C9orf72: variants seen among roughly 807,000 people sequenced by gnomAD.
C9orf72 encodes the protein guanine nucleotide exchange factor C9orf72.
C9orf72 carries 44 observed loss-of-function variants against 51.6 expected under a neutral mutation model. That is an observed-to-expected ratio of 0.85 (90% CI 0.67 to 1.10). The LOEUF (loss-of-function observed/expected upper bound fraction) is 1.10. C9orf72 is among the 50% of genes least tolerant of loss of function. The pLI, the probability that C9orf72 is intolerant of heterozygous loss-of-function variation, is 0.00. For missense variants in C9orf72, 607 were observed against 570.6 expected (o/e 1.06, Z -0.65); for synonymous variants, 213 against 194.2 (o/e 1.10, Z -0.81).
chr9:27,551,096 A>C (rs964798295), intron 8 of C9orf72, among the ~76,000 whole-genome samples: 1 of 152,204 alleles, frequency 6.6e-6, no homozygotes, highest in African/African-American at 2.4e-5. Context: ...AAAAAAACAA[A>C]AAACAAACCA....
Position 27,560,271 on chromosome 9 carries a change from C to A in C9orf72, c.694G>T (p.Gly232Cys). ...NAISSHLQTCGCSVVVGSSAE... is the reference protein window; with the variant it reads ...NAISSHLQTCCCSVVVGSSAE... ...CTGCTACCTACTACAACGGAACAGC[C>A]ACAGGTTTGCAAGTGTGAGCTGATG... Residue 232 changes from glycine (G) to cysteine (C), a missense_variant, in exon 6 of 11, where the codon GGC becomes TGC. Transcript: ENST00000380003. The A allele has an allele frequency of 6.2e-7, 1 of 1,610,268 alleles. No homozygotes were observed.
intron 9 of C9orf72, 87 bp downstream of exon 9, chr9:27,550,562 TA>T: frequency 1.3e-6 from 1 of 790,614 alleles, no homozygotes; most frequent in Admixed American, 2.5e-5. Context: ...CAGGGGAATA[TA>T]AATATATAGA....
intron 5 of C9orf72, 39 bp from the exon 6 acceptor site, chr9:27,560,338 A>G (rs747828926): frequency 2.7e-6 from 4 of 1,503,450 alleles, no homozygotes; most frequent in Non-Finnish European, 3.6e-6. Flanking sequence ...CATTGCCTAT[A>G]AAACAATTTA....
intron 3 of C9orf72, among the ~76,000 whole-genome samples, chr9:27,564,679 GT>G (rs917278715): frequency 6.2e-4 from 91 of 147,684 alleles, no homozygotes; most frequent in African/African-American, 1.8e-3. Flanking sequence ...ATTTTCACAA[GT>G]TTTTTTTTTT....
chr9:27,571,832 C>T (rs1338537715), intron 1 of C9orf72, among the ~76,000 whole-genome samples: 5 of 152,230 alleles, frequency 3.3e-5, no homozygotes, highest in African/African-American at 7.2e-5. Context: ...CCACTTTCCA[C>T]AACAGGAGCT....
Position 27,565,530 on chromosome 9 carries a change from C to A in C9orf72, c.504+1G>T. Reference sequence around the variant, plus strand: ...TTTGACAGTATGCAATTTGCATATACCTGATCTTCCATTCTCTCTGTGCCT... The same window carrying A: ...TTTGACAGTATGCAATTTGCATATAACTGATCTTCCATTCTCTCTGTGCCT... On this transcript the variant is annotated splice_donor_variant, in intron 3 of 10. Coordinates refer to ENST00000380003, the MANE Select transcript of C9orf72 (RefSeq NM_018325.5). LOFTEE classifies it high-confidence loss of function. The A allele has an allele frequency of 1.3e-6, 2 of 1,591,162 alleles. No individual in the cohort carries two copies. Among genetic ancestry groups the A allele is most frequent in the Non-Finnish European group, 1.7e-6 (2 of 1,160,988 alleles).
Position 27,560,207 on chromosome 9 carries a change from T to C in C9orf72, c.738+20A>G, listed in dbSNP as rs768791752. ...AGTCTTAAAGAGTCAAATCATTTGC[T>C]AGATTATAAAATAAACTACCTTATT... On this transcript the variant is annotated intron_variant, in intron 6 of 10. Transcript: ENST00000380003. 2.6e-6 allele frequency: 4 copies of C among 1,514,128 alleles called. No individual in the cohort carries two copies. In the East Asian group the frequency reaches 6.8e-5, roughly 26 times the overall value. 93.8% of individuals were successfully genotyped at this position (1,514,128 alleles called of 1,614,324 possible). A position where few individuals can be genotyped will look rare whatever the true frequency, so the allele number is the denominator to read the frequency against.
At chr9:27,559,681 A>G (rs573243761) in intron 6 of C9orf72, 11 of 152,144 alleles carry the variant, frequency 7.2e-5, no homozygotes, top group Non-Finnish European at 1.5e-4. Flanking sequence ...CCTTTAGTTT[A>G]TTAGCTAATG....
At chr9:27,554,943 C>T (rs780378173) in intron 8 of C9orf72, among the ~76,000 whole-genome samples, 1 of 152,064 alleles carries the variant, frequency 6.6e-6, no homozygotes, top group African/African-American at 2.4e-5. Context: ...GCAAAACAAA[C>T]ATAGCTGGCT....
intron 8 of C9orf72, among the ~76,000 whole-genome samples, chr9:27,556,055 T>TAAA (rs200609924): frequency 6.6e-6 from 1 of 150,636 alleles, no homozygotes; most frequent in Non-Finnish European, 1.5e-5. Context: ...CTTTTTTTTT[T>TAAA]AAAAAAAAAT....
chr9:27,549,560 A>G (rs1184101823), intron 9 of C9orf72, among the ~76,000 whole-genome samples: 1 of 152,172 alleles, frequency 6.6e-6, no homozygotes, highest in East Asian at 1.9e-4. Flanking sequence ...AGCTTTATCT[A>G]TGACACAGTT....
Position 27,556,749 on chromosome 9 carries a change from A to C in C9orf72, c.903T>G (p.Ala301=). 1.2e-6 allele frequency: 2 copies of C among 1,614,020 alleles called. No homozygotes were observed. The highest frequency in any genetic ancestry group is 1.3e-5 in the African/African-American group (1 of 75,040). The change falls in exon 8 of 11, where the codon GCT becomes GCG. Residue 301 remains alanine (A), a synonymous_variant. Transcript: ENST00000380003. ...FVLPFRQVMY[A]PYPTTHIDVD... ...CATCTATGTGTGTGGTGGGATATGG[A>C]GCATACATGACTTGCCGGAAAGGCA...
At chr9:27,567,234 A>C (rs968188957) in intron 1 of C9orf72, 70 bp from the exon 2 acceptor site, 6 of 871,898 alleles carry the variant, frequency 6.9e-6, no homozygotes, top group Non-Finnish European at 1.0e-5. Context: ...ACCCCAAATG[A>C]TTTAGACATA....
At chr9:27,550,290 T>C (rs1183201038) in intron 9 of C9orf72, among the ~76,000 whole-genome samples, 1 of 151,688 alleles carries the variant, frequency 6.6e-6, no homozygotes, top group Non-Finnish European at 1.5e-5. Flanking sequence ...AAGTCAGATT[T>C]CACTTTGATA....
At position 27,560,113 on chromosome 9, in the gene C9orf72, G is replaced by T. The variant is rs192772526; in HGVS notation, c.738+114C>A. The T allele has an allele frequency of 6.3e-5, 36 of 568,124 alleles. 1 individual carries two copies. The Admixed American group carries it at 1.1e-3, about 17-fold the overall frequency. 35.2% of individuals were successfully genotyped at this position (568,124 alleles called of 1,614,324 possible). ...CTTAGCAATTTGATGAGATTACATT[G>T]CCTCCTTATACTACTAGATCATTTT... On this transcript the variant is annotated intron_variant, in intron 6 of 10. Coordinates refer to ENST00000380003, the MANE Select transcript of C9orf72 (RefSeq NM_018325.5).
In C9orf72 at chr9:27,546,863, T is replaced by C. The variant is rs780309291; in HGVS notation, c.*1373A>G. 8 of 152,338 alleles carry C rather than the reference T, an allele frequency of 5.3e-5. No homozygotes were observed. Among genetic ancestry groups the C allele is most frequent in the Non-Finnish European group, 8.8e-5 (6 of 68,010 alleles). 9.4% of individuals were successfully genotyped at this position (152,338 alleles called of 1,614,324 possible). On this transcript the variant is annotated 3_prime_UTR_variant, in exon 11 of 11. Coordinates refer to ENST00000380003, the MANE Select transcript of C9orf72 (RefSeq NM_018325.5). Reference sequence around the variant, plus strand: ...CTGATTCATGATGGGAAAGCTATTATGACCTTTCACATTCGAACATGTCAT... The same window carrying C: ...CTGATTCATGATGGGAAAGCTATTACGACCTTTCACATTCGAACATGTCAT...
rs1820794073 is a variant in C9orf72, at chr9:27,547,593, C to T, written c.*643G>A. ...AAGAACAATAAAATAAACAAAACAC[C>T]CTAACTGTGGTTCACCAGGAACAAG... is the stretch of plus-strand genomic sequence containing the variant. On this transcript the variant is annotated 3_prime_UTR_variant, in exon 11 of 11. Coordinates refer to ENST00000380003, the MANE Select transcript of C9orf72 (RefSeq NM_018325.5). 1 of 152,454 alleles carries T rather than the reference C, an allele frequency of 6.6e-6. No homozygotes were observed. Among genetic ancestry groups the T allele is most frequent in the Admixed American group, 6.6e-5 (1 of 15,266 alleles). The allele number at this position is 152,454 out of a possible 1,614,324, so 9.4% of individuals were successfully genotyped here. A position where few individuals can be genotyped will look rare whatever the true frequency, so the allele number is the denominator to read the frequency against.
At chr9:27,564,966 G>A (rs1214335306) in intron 3 of C9orf72, among the ~76,000 whole-genome samples, 2 of 152,094 alleles carry the variant, frequency 1.3e-5, no homozygotes, top group African/African-American at 4.8e-5. Context: ...TGTTCCTGAG[G>A]GGCATTCAAA....
intron 3 of C9orf72, among the ~76,000 whole-genome samples, chr9:27,564,668 T>C (rs1470276872): frequency 1.3e-5 from 2 of 152,266 alleles, no homozygotes; most frequent in East Asian, 3.9e-4. Context: ...TATGGCCATG[T>C]ATTTTCACAA....
Sources: allele counts gnomAD v4.1 joint callset (sites outside exome capture counted in the v4.1 genomes callset), GRCh38; gene constraint gnomAD v4.1.1; transcripts MANE v1.5; gene names NCBI Gene and HGNC (gene_info 2026-07-23, HGNC 2026-07-21).